The following PAN2 variants were observed in gnomAD, a reference collection of about 807,000 sequenced individuals.
The protein encoded by PAN2 is poly(A) specific ribonuclease subunit PAN2, also known as PAN2-PAN3 deadenylation complex catalytic subunit PAN2.
A neutral mutation model predicts 133.3 loss-of-function variants in PAN2; 68 were observed. That is an observed-to-expected ratio of 0.51 (90% CI 0.42 to 0.62). The LOEUF (loss-of-function observed/expected upper bound fraction) is 0.62, where lower values mean the gene tolerates loss of function less well. Among genes scored for constraint, PAN2 ranks in the 20% least tolerant of loss-of-function variants. The pLI is 0.00. For synonymous variants in PAN2, 462 were observed against 544.6 expected, an observed-to-expected ratio of 0.85 and a Z score of 2.11; for missense variants, 1,042 against 1,500.5, an observed-to-expected ratio of 0.69 and a Z score of 5.05.
rs145005348 is a variant in PAN2, at chr12:56,319,045, C to T, written c.3364+43G>A. 1.5e-4 allele frequency: 240 copies of T among 1,575,842 alleles called. No individual in the cohort carries two copies. The East Asian group carries it at 5.3e-3, about 35-fold the overall frequency. On this transcript the variant is annotated intron_variant, in intron 24 of 25. Coordinates refer to ENST00000440411, the MANE Select transcript of PAN2 (RefSeq NM_014871.6). This position sits in a 1 kb window ranked among gnomAD's most constrained non-coding sequence, Gnocchi z 5.4. Reference sequence around the variant, plus strand: ...TTTCTTTTTTTTTAAATGGCTGCTTCTGCTATTAATGTAGCAGGGGCCTAC... The same window carrying T: ...TTTCTTTTTTTTTAAATGGCTGCTTTTGCTATTAATGTAGCAGGGGCCTAC...
At chr12:56,324,734 AT>A (rs770384016) in intron 10 of PAN2, 25 bp from the exon 11 acceptor site, 7 of 1,606,074 alleles carry the variant, frequency 4.4e-6, no homozygotes, top group Middle Eastern at 1.7e-4. Flanking sequence ...AGAAGAACTG[AT>A]GTAGGAAACT....
At chr12:56,321,560 A>AT (rs1487752448) in intron 20 of PAN2, among the ~76,000 whole-genome samples, 3 of 78,460 alleles carry the variant, frequency 3.8e-5, no homozygotes, top group Non-Finnish European at 6.0e-5. Flanking sequence ...AAAAAAAAAA[A>AT]TTTTTTTAGG....
At chr12:56,322,919 A>G (rs1592435227) in intron 17 of PAN2, 143 bp downstream of exon 17, 1 of 1,287,302 alleles carries the variant, frequency 7.8e-7, no homozygotes, top group South Asian at 1.3e-5. Context: ...CTGAGTGACT[A>G]TGGAAAATCC....
chr12:56,324,652 CCTT>C lies in PAN2; in HGVS notation c.1654_1656del (p.Lys552del). ...CCCAGCTCACATGCCAGACAGAACT[CCTT>C]CTGGCAAAGGTGGTTTTGAATTAGA... On this transcript the variant is annotated inframe_deletion, in exon 11 of 26. Transcript: ENST00000440411. 6.2e-7 allele frequency: 1 copy of C among 1,614,150 alleles called. No homozygotes were observed.
Position 56,326,939 on chromosome 12 carries a change from G to T in PAN2, c.940C>A (p.Pro314Thr). The change falls in exon 7 of 26, where the codon CCC (proline) becomes ACC (threonine). Residue 314 changes from proline to threonine, a missense_variant. Physicochemically the swap from Pro to Thr is conservative, Grantham distance 38. Coordinates refer to ENST00000440411, the MANE Select transcript of PAN2 (RefSeq NM_014871.6). ...TCGGCTGGGTTGGCCAGGCCTGTGGGTTCACAGAATTGGCACTGCCCTACA... is the reference window on the plus strand; with the variant it reads ...TCGGCTGGGTTGGCCAGGCCTGTGGTTTCACAGAATTGGCACTGCCCTACA... ...SQSGQCQFCE[P>T]TGLANPADIF... The T allele has an allele frequency of 6.2e-7, 1 of 1,613,652 alleles. No individual in the cohort carries two copies. Among genetic ancestry groups the T allele is most frequent in the Non-Finnish European group, 8.5e-7 (1 of 1,179,718 alleles).
In PAN2 at chr12:56,324,116, G is replaced by A; in HGVS notation, c.1998C>T (p.Leu666=). Residue 666 remains leucine (L), a synonymous_variant, in exon 13 of 26, where the codon CTC becomes CTT. Coordinates refer to ENST00000440411, the MANE Select transcript of PAN2 (RefSeq NM_014871.6). ...LFSCEMENCS[L]CRCGSETVRA... ...GCACGGTCTCACTGCCACAGCGGCAGAGGCTGCAGTTCTCCATCTCACAGC... is the reference window on the plus strand; with the variant it reads ...GCACGGTCTCACTGCCACAGCGGCAAAGGCTGCAGTTCTCCATCTCACAGC... 2 of 1,614,168 alleles carry A rather than the reference G, an allele frequency of 1.2e-6. No homozygotes were observed. The highest frequency in any genetic ancestry group is 1.7e-6 in the Non-Finnish European group (2 of 1,180,042).
At position 56,323,346 on chromosome 12, in the gene PAN2, T is replaced by G. The variant is rs758949419; in HGVS notation, c.2310A>C (p.Glu770Asp). The G allele has an allele frequency of 6.2e-6, 10 of 1,613,862 alleles. No individual in the cohort carries two copies. Among genetic ancestry groups the G allele is most frequent in the Non-Finnish European group, 8.5e-7 (1 of 1,179,974 alleles). ...AAGCAAATTCCTTGTTCTTGGAGATTTCCCCACCGTGTTTCTTTACTGCCA... is the reference window on the plus strand; with the variant it reads ...AAGCAAATTCCTTGTTCTTGGAGATGTCCCCACCGTGTTTCTTTACTGCCA... ...FKMAVKKHGG[E>D]ISKNKEFALA... is the part of the protein sequence containing the mutation. The change falls in exon 16 of 26, where the codon GAA becomes GAC. Residue 770 changes from glutamate to aspartate, a missense_variant. Glu to Asp is a conservative substitution (Grantham distance 45). This residue lies in a region of PAN2 where 908 missense variants were observed against 1,223.5 expected (regional missense o/e 0.74). Transcript: ENST00000440411.
chr12:56,323,603 G>A lies in PAN2; in HGVS notation c.2173-5C>T. 6.2e-7 allele frequency: 1 copy of A among 1,613,158 alleles called. No individual in the cohort carries two copies. The highest frequency in any genetic ancestry group is 8.5e-7 in the Non-Finnish European group (1 of 1,179,164). On this transcript the variant is annotated splice_polypyrimidine_tract_variant and splice_region_variant and intron_variant, in intron 14 of 25. Coordinates refer to ENST00000440411, the MANE Select transcript of PAN2 (RefSeq NM_014871.6). ...GCGGATGTTGCGGGTCTGAATCTGA[G>A]AGGAAGAAACAAACAAGGAATGGCA...
At position 56,325,399 on chromosome 12, in the gene PAN2, G is replaced by C. The variant is rs142398237; in HGVS notation, c.1415C>G (p.Thr472Ser). Reference protein sequence around the residue: ...DSEFDSFSQVTESPVGREEEP... With the variant: ...DSEFDSFSQVSESPVGREEEP... ...CTCTTCTCGTCCTACTGGTGACTCA[G>C]TGACCTGGCTGAAGCTGTCAAATTC... The change falls in exon 9 of 26, where the codon ACT becomes AGT. Residue 472 changes from threonine to serine, a missense_variant. By Grantham distance (58) the Thr-to-Ser change is moderately conservative. Transcript: ENST00000440411. The C allele has an allele frequency of 6.1e-5, 99 of 1,614,070 alleles. No homozygotes were observed. The highest frequency in any genetic ancestry group is 2.3e-4 in the Admixed American group (14 of 60,002).
chr12:56,324,006 G>A, intron 13 of PAN2, 43 bp downstream of exon 13: 1 of 1,612,740 alleles, frequency 6.2e-7, no homozygotes, highest in Non-Finnish European at 8.5e-7. Flanking sequence ...GACATTTTGG[G>A]GAGCCTTCCC....
Position 56,323,539 on chromosome 12 carries a change from G to A in PAN2, c.2232C>T (p.Asn744=). ...TCCAGAAATCAGCCTCTTTTGAGCT[G>A]TTCACCTCACAATTGATGACAAGAA... The part of the protein sequence containing the change: ...PDILVINCEV[N]SSKEADFWRM... The change falls in exon 15 of 26, where the codon AAC becomes AAT. Residue 744 remains asparagine (N), a synonymous_variant. Coordinates refer to ENST00000440411, the MANE Select transcript of PAN2 (RefSeq NM_014871.6). The A allele has an allele frequency of 6.2e-7, 1 of 1,614,220 alleles. No homozygotes were observed. Among genetic ancestry groups the A allele is most frequent in the Non-Finnish European group, 8.5e-7 (1 of 1,180,028 alleles).
chr12:56,323,304 C>G lies in PAN2; in HGVS notation c.2345+7G>C. 6.2e-6 allele frequency: 10 copies of G among 1,614,072 alleles called. No individual in the cohort carries two copies. Among genetic ancestry groups the G allele is most frequent in the Non-Finnish European group, 8.5e-6 (10 of 1,180,010 alleles). ...AATCCTTTGACAACTCCCAAGACAG[C>G]ACCTACCAATCAGCCAAAGCAAATT... On this transcript the variant is annotated splice_region_variant and intron_variant, in intron 16 of 25. Transcript: ENST00000440411.
At position 56,322,727 on chromosome 12, in the gene PAN2, C is replaced by T. The variant is rs374756178; in HGVS notation, c.2525G>A (p.Gly842Asp). Residue 842 changes from glycine (G) to aspartate (D), a missense_variant, in exon 18 of 26, where the codon GGT becomes GAT. Transcript: ENST00000440411. ...AGCCATCAGGTCATACACATAGACA[C>T]CATGCTCCTCCTCTGCCCTGGCTGG... ...WGPARAEEEH[G>D]VYVYDLMATV... 6.2e-7 allele frequency: 1 copy of T among 1,613,958 alleles called. No homozygotes were observed. The highest frequency in any genetic ancestry group is 8.5e-7 in the Non-Finnish European group (1 of 1,179,986).
At chr12:56,322,800 T>C in intron 17 of PAN2, 42 bp from the exon 18 acceptor site, 1 of 1,312,940 alleles carries the variant, frequency 7.6e-7, no homozygotes, top group Non-Finnish European at 9.9e-7. Flanking sequence ...AGTTTAAGGA[T>C]GGGGAAGGGA....
At chr12:56,322,307 C>T in intron 19 of PAN2, 116 bp downstream of exon 19, 1 of 1,077,664 alleles carries the variant, frequency 9.3e-7, no homozygotes, top group Non-Finnish European at 1.4e-6. Flanking sequence ...GTTTTTATTC[C>T]TGAGGATTCC....
At chr12:56,329,541 G>C in intron 2 of PAN2, among the ~76,000 whole-genome samples, 1 of 151,750 alleles carries the variant, frequency 6.6e-6, no homozygotes, top group African/African-American at 2.4e-5. Context: ...ATGTTGGCCA[G>C]GCTGGTTTCG....
At position 56,324,682 on chromosome 12, in the gene PAN2, A is replaced by C; in HGVS notation, c.1627T>G (p.Cys543Gly). ...QVLYFLEPVR[C>G]LIQNHLCQKE... The stretch of plus-strand genomic sequence containing the variant: ...TGGCAAAGGTGGTTTTGAATTAGAC[A>C]GCGTACAGGCTCCAGGAAATAGAGC... Residue 543 changes from cysteine to glycine, a missense_variant, in exon 11 of 26, where the codon TGT (cysteine) becomes GGT (glycine). This residue lies in a region of PAN2 where 908 missense variants were observed against 1,223.5 expected (regional missense o/e 0.74). Coordinates refer to ENST00000440411, the MANE Select transcript of PAN2 (RefSeq NM_014871.6). 1 of 1,614,118 alleles carries C rather than the reference A, an allele frequency of 6.2e-7. No homozygotes were observed. Among genetic ancestry groups the C allele is most frequent in the Non-Finnish European group, 8.5e-7 (1 of 1,180,030 alleles).
chr12:56,327,395 A>G lies in PAN2; in HGVS notation c.888T>C (p.Tyr296=), dbSNP rs1029250119. The change falls in exon 6 of 26, where the codon TAT becomes TAC. Residue 296 remains tyrosine, a synonymous_variant. Coordinates refer to ENST00000440411, the MANE Select transcript of PAN2 (RefSeq NM_014871.6). ...GAGAGATGATAGCAAGACGAGAAGT[A>G]TATGTAGGAATGAAGCGCAAGAAGG... is the stretch of plus-strand genomic sequence containing the variant. ...DPAFLRFIPT[Y]TSRLAIISQS... 1.9e-6 allele frequency: 3 copies of G among 1,614,184 alleles called. No individual in the cohort carries two copies. Among genetic ancestry groups the G allele is most frequent in the East Asian group, 2.2e-5 (1 of 44,892 alleles).
chr12:56,318,109 C>T (rs566515387), intron 25 of PAN2, 128 bp downstream of exon 25: 25 of 752,920 alleles, frequency 3.3e-5, no homozygotes, highest in African/African-American at 1.6e-4. Context: ...CCCAGGAAGT[C>T]GAGGCTGCAG....
Sources: gnomAD v4.1 joint callset for allele counts (sites outside exome capture counted in the v4.1 genomes callset) on GRCh38, gnomAD v4.1.1 for gene constraint, gnomAD v4.1.1 regional missense constraint, Gnocchi (gnomAD v3.1) non-coding constraint, MANE v1.5 for transcripts, NCBI Gene and HGNC (gene_info 2026-07-23, HGNC 2026-07-21) for gene names.